KCNA2: variants seen among roughly 807,000 people sequenced by gnomAD.
KCNA2 encodes the protein potassium voltage-gated channel subfamily A member 2, also known as potassium channel, voltage gated shaker related subfamily A, member 2.
KCNA2 carries 11 observed loss-of-function variants against 33.4 expected under a neutral mutation model. The observed-to-expected ratio is 0.33, with a 90% CI of 0.21 to 0.55. The LOEUF (loss-of-function observed/expected upper bound fraction) is 0.55. KCNA2 is among the 20% of genes least tolerant of loss of function. The pLI is 0.93. For missense variants in KCNA2, 291 were observed against 621.6 expected, an observed-to-expected ratio of 0.47 and a Z score of 5.66; for synonymous variants, 222 against 231.3, an observed-to-expected ratio of 0.96 and a Z score of 0.37.
rs1649220744 is a variant in KCNA2 at position 110,598,948 on chromosome 1, AAGT to A, written c.*4332_*4334del. ...TCCTTTTCGGTCTCCTGAAAACTCC[AAGT>A]TTCTTGAAAATGAATCCACAGAGGC... On this transcript the variant is annotated 3_prime_UTR_variant, in exon 3 of 3. Transcript: ENST00000316361. 1 of 985,272 alleles carries A rather than the reference AAGT, an allele frequency of 1.0e-6. No individual in the cohort carries two copies. The highest frequency in any genetic ancestry group is 6.1e-5 in the Admixed American group (1 of 16,270). The allele number at this position is 985,272 out of a possible 1,614,324, so 61.0% of individuals were successfully genotyped here.
At chr1:110,627,546 G>A (rs548244961) in intron 1 of KCNA2, among the ~76,000 whole-genome samples, 2 of 152,116 alleles carry the variant, frequency 1.3e-5, no homozygotes, top group Non-Finnish European at 2.9e-5. Flanking sequence ...GATCATAACG[G>A]TTTCCAGGGC....
At chr1:110,614,551 C>T (rs984858503) in intron 1 of KCNA2, among the ~76,000 whole-genome samples, 1 of 152,170 alleles carries the variant, frequency 6.6e-6, no homozygotes, top group African/African-American at 2.4e-5. Context: ...ATGGAAAGGC[C>T]CTTGGCCTGC....
In KCNA2 at chr1:110,602,379, T is replaced by C. The variant is rs2101389917; in HGVS notation, c.*904A>G. The C allele has an allele frequency of 7.1e-7, 1 of 1,401,934 alleles. No homozygotes were observed. Among genetic ancestry groups the C allele is most frequent in the East Asian group, 2.6e-5 (1 of 38,778 alleles). 86.8% of individuals were successfully genotyped at this position (1,401,934 alleles called of 1,614,324 possible). On this transcript the variant is annotated 3_prime_UTR_variant, in exon 3 of 3. Transcript: ENST00000316361. ...AATAGGTTATCTCCTGTGTTTTAAATATTGAGATTCATGCAACAAACACCC... is the reference window on the plus strand; with the variant it reads ...AATAGGTTATCTCCTGTGTTTTAAACATTGAGATTCATGCAACAAACACCC...
chr1:110,620,754 GA>G (rs1650234538), intron 1 of KCNA2, among the ~76,000 whole-genome samples: 1 of 152,178 alleles, frequency 6.6e-6, no homozygotes, highest in East Asian at 1.9e-4. Context: ...CATTATCACT[GA>G]AAGTTCCTTT....
At chr1:110,612,442 G>T (rs1263728059) in intron 1 of KCNA2, among the ~76,000 whole-genome samples, 1 of 152,144 alleles carries the variant, frequency 6.6e-6, no homozygotes, top group Non-Finnish European at 1.5e-5. Context: ...CAGAAGCCTG[G>T]ATGTCCTTAT....
At chr1:110,612,956 G>A (rs1326735719) in intron 1 of KCNA2, among the ~76,000 whole-genome samples, 1 of 152,240 alleles carries the variant, frequency 6.6e-6, no homozygotes, top group Non-Finnish European at 1.5e-5. Flanking sequence ...TAGGTGGGGT[G>A]TTTTTCCTCT....
chr1:110,607,395 C>A (rs1477323832), upstream of KCNA2: 1 of 151,180 alleles, frequency 6.6e-6, no homozygotes, highest in African/African-American at 2.4e-5. Context: ...GAGCTCCCGG[C>A]CGCCGCCCGC....
In KCNA2 at chr1:110,603,268, G is replaced by C; in HGVS notation, c.*15C>G. 1 of 1,586,720 alleles carries C rather than the reference G, an allele frequency of 6.3e-7. No homozygotes were observed. ...ATTAGTTCCATTGAGCTGTGAGTACGGTAATAGGTTTCAATCAGACATCAG... is the reference window on the plus strand; with the variant it reads ...ATTAGTTCCATTGAGCTGTGAGTACCGTAATAGGTTTCAATCAGACATCAG... On this transcript the variant is annotated 3_prime_UTR_variant, in exon 3 of 3. Coordinates refer to ENST00000316361, the MANE Select transcript of KCNA2 (RefSeq NM_004974.4). This position sits in a 1 kb window ranked among gnomAD's most constrained non-coding sequence, Gnocchi z 5.7.
At chr1:110,623,304 T>G (rs1338478069) in intron 1 of KCNA2, among the ~76,000 whole-genome samples, 1 of 152,154 alleles carries the variant, frequency 6.6e-6, no homozygotes, top group African/African-American at 2.4e-5. Flanking sequence ...TAAACAAAAA[T>G]CAGCTCAAAA....
At chr1:110,605,080 A>T in intron 2 of KCNA2, 135 bp from the exon 3 acceptor site, 1 of 418,480 alleles carries the variant, frequency 2.4e-6, no homozygotes, top group South Asian at 4.1e-5. Flanking sequence ...ACAAAGCAAA[A>T]TTTACTTTCA....
At chr1:110,614,775 C>T (rs1228635365) in intron 1 of KCNA2, among the ~76,000 whole-genome samples, 1 of 152,176 alleles carries the variant, frequency 6.6e-6, no homozygotes, top group Admixed American at 6.5e-5. Context: ...CCTACTGTCA[C>T]TATTTTGCTG....
rs1433030192 is a variant in KCNA2 at position 110,605,044 on chromosome 1, G to T, written c.-163-99C>A. On this transcript the variant is annotated intron_variant, in intron 2 of 2. Transcript: ENST00000316361. ...CTCCCATCTCTCAGCCAAGAGTTCA[G>T]ACACATGATCACCACCACCACAACG... 3 of 507,254 alleles carry T rather than the reference G, an allele frequency of 5.9e-6. No individual in the cohort carries two copies. The East Asian group carries it at 9.8e-5, about 17-fold the overall frequency. The allele number at this position is 507,254 out of a possible 1,614,324, so 31.4% of individuals were successfully genotyped here. A position where few individuals can be genotyped will look rare whatever the true frequency, so the allele number is the denominator to read the frequency against.
upstream of KCNA2, among the ~76,000 whole-genome samples, chr1:110,608,841 G>A (rs150697834): frequency 2.3e-3 from 344 of 152,264 alleles, 2 homozygotes; most frequent in African/African-American, 7.7e-3. Context: ...GCCCCTAAGG[G>A]TGTGGTGAGG....
rs145479370 is a variant in KCNA2, at chr1:110,629,186, T to C, written c.-496+2209A>G. Among the ~76,000 whole-genome samples the C allele has an allele frequency of 8.8e-3, 1,343 of 152,268 alleles. 20 individuals are homozygous for C. Among genetic ancestry groups the C allele is most frequent in the African/African-American group, 0.031 (1,285 of 41,544 alleles). On this transcript the variant is annotated intron_variant, in intron 1 of 4. Coordinates refer to the KCNA2 transcript ENST00000369770. The stretch of plus-strand genomic sequence containing the variant: ...ATCAGAATGTCTTGGGGTGAGAGCC[T>C]GAGTTTAGTGGCTGTTAGTGATCCC...
chr1:110,597,867 A>G lies in KCNA2; in HGVS notation c.*5416T>C. On this transcript the variant is annotated 3_prime_UTR_variant, in exon 3 of 3. Coordinates refer to ENST00000316361, the MANE Select transcript of KCNA2 (RefSeq NM_004974.4). Reference sequence around the variant, plus strand: ...GAGATGAAGCTGAGATTTGGTGGGAAGGGAAGCAGAAAAAAAGGAAAAGTA... The same window carrying G: ...GAGATGAAGCTGAGATTTGGTGGGAGGGGAAGCAGAAAAAAAGGAAAAGTA... 3 of 985,388 alleles carry G rather than the reference A, an allele frequency of 3.0e-6. No individual in the cohort carries two copies. The highest frequency in any genetic ancestry group is 3.6e-6 in the Non-Finnish European group (3 of 829,882). 61.0% of individuals were successfully genotyped at this position (985,388 alleles called of 1,614,324 possible).
In KCNA2 at chr1:110,595,545, G is replaced by A. The variant is rs1649059061; in HGVS notation, c.*7738C>T. The A allele has an allele frequency of 2.0e-6, 2 of 985,486 alleles. No homozygotes were observed. Among genetic ancestry groups the A allele is most frequent in the African/African-American group, 3.5e-5 (2 of 57,356 alleles). 61.0% of individuals were successfully genotyped at this position (985,486 alleles called of 1,614,324 possible). A position where few individuals can be genotyped will look rare whatever the true frequency, so the allele number is the denominator to read the frequency against. ...AATCCCTCCCACTCCCATCTAGGTA[G>A]AAAGCAACAGTCAAATGCAAGAGGT... On this transcript the variant is annotated 3_prime_UTR_variant, in exon 3 of 3. Transcript: ENST00000316361.
chr1:110,598,646 G>A lies in KCNA2; in HGVS notation c.*4637C>T. On this transcript the variant is annotated 3_prime_UTR_variant, in exon 3 of 3. Transcript: ENST00000316361. ...TTCCATGGGAGCCCTTTCCATACTA[G>A]GCTAACGCAATCTAGAGGCACACTC... 17 of 985,200 alleles carry A rather than the reference G, an allele frequency of 1.7e-5. No individual in the cohort carries two copies. Among genetic ancestry groups the A allele is most frequent in the Non-Finnish European group, 1.9e-5 (16 of 829,932 alleles). 61.0% of individuals were successfully genotyped at this position (985,200 alleles called of 1,614,324 possible).
chr1:110,624,109 A>G (rs1037300267), intron 1 of KCNA2, among the ~76,000 whole-genome samples: 3 of 152,270 alleles, frequency 2.0e-5, no homozygotes, highest in Admixed American at 2.0e-4. Flanking sequence ...AAAGTTAAGC[A>G]TATACCTACT....
At chr1:110,622,223 G>GA (rs1650276491) in intron 1 of KCNA2, among the ~76,000 whole-genome samples, 1 of 152,036 alleles carries the variant, frequency 6.6e-6, no homozygotes, top group African/African-American at 2.4e-5. Context: ...TTCACCATAT[G>GA]AAAAATATGA....
Sources: allele counts gnomAD v4.1 joint callset (sites outside exome capture counted in the v4.1 genomes callset), GRCh38; gene constraint gnomAD v4.1.1; non-coding constraint Gnocchi (gnomAD v3.1); transcripts MANE v1.5; gene names NCBI Gene and HGNC (gene_info 2026-07-23, HGNC 2026-07-21).